TMEM59: variants seen among roughly 807,000 people sequenced by gnomAD.
TMEM59 encodes dendritic cell factor 1.
A neutral mutation model predicts 42.2 loss-of-function variants in TMEM59; 44 were observed. The observed-to-expected ratio is 1.04, with a 90% CI of 0.82 to 1.34. TMEM59 has a LOEUF of 1.34. TMEM59 is among the 40% of genes most tolerant of loss of function. The pLI is 0.00. For synonymous variants in TMEM59, 148 were observed against 145.8 expected (o/e 1.02, Z -0.11); for missense variants, 359 against 382.8 (o/e 0.94, Z 0.52).
intron 6 of TMEM59, among the ~76,000 whole-genome samples, chr1:54,039,824 T>C (rs1358307955): frequency 6.6e-6 from 1 of 151,756 alleles, no homozygotes; most frequent in African/African-American, 2.4e-5. Flanking sequence ...CCTTTTTTTG[T>C]TGGGGGTGGG....
Position 54,031,986 on chromosome 1 carries a change from A to G in TMEM59, c.*164T>C. The G allele has an allele frequency of 1.9e-6, 1 of 534,654 alleles. No homozygotes were observed. Among genetic ancestry groups the G allele is most frequent in the Non-Finnish European group, 3.0e-6 (1 of 333,802 alleles). 33.1% of individuals were successfully genotyped at this position (534,654 alleles called of 1,614,324 possible). A position where few individuals can be genotyped will look rare whatever the true frequency, so the allele number is the denominator to read the frequency against. On this transcript the variant is annotated 3_prime_UTR_variant, in exon 8 of 8. Coordinates refer to ENST00000234831, the MANE Select transcript of TMEM59 (RefSeq NM_004872.5). Reference sequence around the variant, plus strand: ...CACCTCTTAAATTACTACAAAAACAATACCAATAAAGTTATAGCAAATACA... The same window carrying G: ...CACCTCTTAAATTACTACAAAAACAGTACCAATAAAGTTATAGCAAATACA...
At chr1:54,041,612 T>G (rs1473518778) in intron 5 of TMEM59, 112 bp downstream of exon 5, 3 of 826,322 alleles carry the variant, frequency 3.6e-6, no homozygotes, top group Non-Finnish European at 3.8e-6. Context: ...AACCACTGTT[T>G]TAGAAATTAT....
intron 1 of TMEM59, among the ~76,000 whole-genome samples, chr1:54,050,453 C>T (rs547573740): frequency 3.9e-4 from 59 of 151,610 alleles, no homozygotes; most frequent in African/African-American, 1.4e-3. Flanking sequence ...GTTTTTCAAA[C>T]GCTATGTGAG....
At chr1:54,043,572 A>G in intron 3 of TMEM59, 47 bp from the exon 4 acceptor site, 7 of 1,243,170 alleles carry the variant, frequency 5.6e-6, no homozygotes, top group Non-Finnish European at 5.2e-6. Context: ...TTATATATGT[A>G]TATTCAAAAG....
chr1:54,045,338 T>C (rs993944394), intron 3 of TMEM59: 8 of 208,126 alleles, frequency 3.8e-5, no homozygotes, highest in Admixed American at 3.4e-4. Flanking sequence ...AAGAAATGAT[T>C]ATCTGAGTTA....
rs1656740855 is a variant in TMEM59, at chr1:54,030,726, A to ATTT, written c.*1423_*1424insAAA. ...AACTTTCTATCATCCAAATCTAGAC[A>ATTT]AACTAAAAATAAAAACCTACACTTT... On this transcript the variant is annotated 3_prime_UTR_variant, in exon 8 of 8. Transcript: ENST00000234831. The ATTT allele has an allele frequency of 6.6e-6, 1 of 152,176 alleles. No homozygotes were observed. The highest frequency in any genetic ancestry group is 1.5e-5 in the Non-Finnish European group (1 of 68,034). The allele number at this position is 152,176 out of a possible 1,614,324, so 9.4% of individuals were successfully genotyped here. A position where few individuals can be genotyped will look rare whatever the true frequency, so the allele number is the denominator to read the frequency against.
At chr1:54,038,431 T>C (rs1657026189) in intron 6 of TMEM59, among the ~76,000 whole-genome samples, 2 of 152,168 alleles carry the variant, frequency 1.3e-5, no homozygotes, top group African/African-American at 4.8e-5. Flanking sequence ...GCAATCATTA[T>C]TGTCCATGTC....
intron 7 of TMEM59, among the ~76,000 whole-genome samples, chr1:54,032,916 CTCTG>C (rs1387131118): frequency 6.7e-6 from 1 of 149,642 alleles, no homozygotes; most frequent in East Asian, 1.9e-4. Flanking sequence ...GTATGAATGT[CTCTG>C]TCTCTTTTTT....
chr1:54,032,506 G>A (rs1181686288), intron 7 of TMEM59, among the ~76,000 whole-genome samples: 2 of 152,224 alleles, frequency 1.3e-5, no homozygotes, highest in East Asian at 1.9e-4. Context: ...GCTGTTCCAC[G>A]TCTCAAGTTA....
intron 4 of TMEM59, 38 bp from the exon 5 acceptor site, chr1:54,041,843 T>A: frequency 6.5e-7 from 1 of 1,536,518 alleles, no homozygotes; most frequent in Non-Finnish European, 8.9e-7. Flanking sequence ...CATTTGTACT[T>A]CTTTAGCTTT....
intron 1 of TMEM59, among the ~76,000 whole-genome samples, chr1:54,050,608 G>A (rs1657500224): frequency 6.6e-6 from 1 of 150,640 alleles, no homozygotes; most frequent in South Asian, 2.1e-4. Context: ...TTGTCGCCCA[G>A]GCTGGAGTGC....
intron 1 of TMEM59, among the ~76,000 whole-genome samples, chr1:54,051,505 T>A (rs1657537971): frequency 6.6e-6 from 1 of 152,208 alleles, no homozygotes; most frequent in Non-Finnish European, 1.5e-5. Flanking sequence ...TAGTGGACAT[T>A]ATTAAAGTAC....
intron 1 of TMEM59, among the ~76,000 whole-genome samples, chr1:54,050,566 C>CTTTCT (rs543398131): frequency 0.015 from 2,093 of 141,452 alleles, 35 homozygotes; most frequent in African/African-American, 0.044. Flanking sequence ...AAATATGTTT[C>CTTTCT]TTTTTTTTTT....
chr1:54,045,527 A>C (rs41538044), intron 3 of TMEM59, 165 bp downstream of exon 3: 1 of 597,396 alleles, frequency 1.7e-6, no homozygotes, highest in Non-Finnish European at 3.0e-6. Context: ...ATTATACAAA[A>C]GCAATTATTC....
At chr1:54,050,516 A>G (rs761087080) in intron 1 of TMEM59, among the ~76,000 whole-genome samples, 2 of 152,048 alleles carry the variant, frequency 1.3e-5, no homozygotes, top group Non-Finnish European at 2.9e-5. Flanking sequence ...CCTGGAGCAC[A>G]AAGCACAGAG....
At chr1:54,045,500 A>G (rs1387936407) in intron 3 of TMEM59, 192 bp downstream of exon 3, 3 of 509,850 alleles carry the variant, frequency 5.9e-6, no homozygotes, top group Non-Finnish European at 1.1e-5. Flanking sequence ...CGTAAGCATA[A>G]CTTTTAATAG....
rs1656741515 is a variant in TMEM59 at position 54,030,739 on chromosome 1, A to ATTTT, written c.*1410_*1411insAAAA. ...CCAAATCTAGACAAACTAAAAATAA[A>ATTTT]AACCTACACTTTGTGACCAAAGTCT... On this transcript the variant is annotated 3_prime_UTR_variant, in exon 8 of 8. Transcript: ENST00000234831. 6.6e-6 allele frequency: 1 copy of ATTTT among 152,198 alleles called. No individual in the cohort carries two copies. The highest frequency in any genetic ancestry group is 1.5e-5 in the Non-Finnish European group (1 of 68,042). The allele number at this position is 152,198 out of a possible 1,614,324, so 9.4% of individuals were successfully genotyped here. A position where few individuals can be genotyped will look rare whatever the true frequency, so the allele number is the denominator to read the frequency against.
chr1:54,045,762 G>A lies in TMEM59; in HGVS notation c.320C>T (p.Ser107Phe). The stretch of plus-strand genomic sequence containing the variant: ...AAGATGGCAAGCATATTGCTCATCA[G>A]ATTGGGAATATGCTTCTGTACATGC... ...ESACTEAYSQSDEQYACHLGC... is the reference protein window; with the variant it reads ...ESACTEAYSQFDEQYACHLGC... Residue 107 changes from serine (S) to phenylalanine (F), a missense_variant, in exon 3 of 8, where the codon TCT becomes TTT. Transcript: ENST00000234831. The A allele has an allele frequency of 6.2e-7, 1 of 1,613,984 alleles. No homozygotes were observed. Among genetic ancestry groups the A allele is most frequent in the Non-Finnish European group, 8.5e-7 (1 of 1,179,942 alleles).
At chr1:54,044,762 G>C (rs1569958551) in intron 3 of TMEM59, 1 of 151,760 alleles carries the variant, frequency 6.6e-6, no homozygotes, top group East Asian at 1.9e-4. Flanking sequence ...AAAAGATTAG[G>C]AACAACCTAC....
Sources: gnomAD v4.1 joint callset for allele counts (sites outside exome capture counted in the v4.1 genomes callset) on GRCh38, gnomAD v4.1.1 for gene constraint, MANE v1.5 for transcripts, NCBI Gene and HGNC (gene_info 2026-07-23, HGNC 2026-07-21) for gene names.